CUX1: variants seen among roughly 807,000 people sequenced by gnomAD.
CUX1 encodes protein CASP.
Under a neutral mutation model 158.8 loss-of-function variants are expected in CUX1, and 31 were observed. That is an observed-to-expected ratio of 0.20 (90% CI 0.15 to 0.26). The LOEUF (loss-of-function observed/expected upper bound fraction) is 0.26, where lower values mean the gene tolerates loss of function less well. Among genes scored for constraint, CUX1 ranks in the 10% least tolerant of loss-of-function variants. The pLI is 1.00. For synonymous variants in CUX1, 879 were observed against 862.1 expected, an observed-to-expected ratio of 1.02 and a Z score of -0.34; for missense variants, 1,589 against 2,014.6, an observed-to-expected ratio of 0.79 and a Z score of 4.04.
chr7:102,083,714 CTATT>C (rs1243624111), intron 4 of CUX1, among the ~76,000 whole-genome samples: 1 of 146,926 alleles, frequency 6.8e-6, no homozygotes, highest in African/African-American at 2.4e-5. Flanking sequence ...ATTGACAACA[CTATT>C]TATTCTTCCA....
intron 2 of CUX1, among the ~76,000 whole-genome samples, chr7:101,973,292 A>G (rs946526538): frequency 6.6e-6 from 1 of 151,956 alleles, no homozygotes; most frequent in African/African-American, 2.4e-5. Context: ...CCCACATCCC[A>G]TGGCTCTGAC....
intron 2 of CUX1, among the ~76,000 whole-genome samples, chr7:102,005,802 G>A (rs1457179141): frequency 5.3e-5 from 8 of 152,110 alleles, no homozygotes; most frequent in Non-Finnish European, 1.0e-4. Context: ...CATCCTTCTG[G>A]GAACCTGCTT....
chr7:101,904,478 T>C (rs1382179952), intron 1 of CUX1, among the ~76,000 whole-genome samples: 2 of 152,176 alleles, frequency 1.3e-5, no homozygotes, highest in Admixed American at 6.5e-5. Flanking sequence ...TAAGTTTCAC[T>C]TGAATTTCCG....
intron 8 of CUX1, among the ~76,000 whole-genome samples, chr7:102,132,999 C>T (rs1402506116): frequency 2.0e-5 from 3 of 152,130 alleles, no homozygotes; most frequent in Non-Finnish European, 4.4e-5. Flanking sequence ...CTTGGTCTCA[C>T]TTCAAGATCT....
chr7:101,950,804 G>C (rs1051347075), intron 2 of CUX1, among the ~76,000 whole-genome samples: 6 of 152,068 alleles, frequency 3.9e-5, no homozygotes, highest in African/African-American at 1.4e-4. Context: ...TTCCTGCCTT[G>C]CCTCCCAAAG....
chr7:101,880,170 C>T (rs774017496), intron 1 of CUX1, among the ~76,000 whole-genome samples: 21 of 151,938 alleles, frequency 1.4e-4, no homozygotes, highest in East Asian at 5.8e-4. Flanking sequence ...TAATGTGCAC[C>T]GTTGAAAGGA....
intron 17 of CUX1, chr7:102,277,836 G>C: frequency 1.8e-6 from 1 of 561,800 alleles, no homozygotes; most frequent in Non-Finnish European, 3.0e-6. Flanking sequence ...TACAGAGTCA[G>C]GCAGGTCAAG....
chr7:101,917,304 G>T (rs999994431), intron 2 of CUX1, among the ~76,000 whole-genome samples: 9 of 152,218 alleles, frequency 5.9e-5, no homozygotes, highest in African/African-American at 1.9e-4. Context: ...CTGCTGGCAT[G>T]AATCATTATG....
At chr7:102,026,257 T>G (rs1205521374) in intron 2 of CUX1, among the ~76,000 whole-genome samples, 1 of 152,188 alleles carries the variant, frequency 6.6e-6, no homozygotes, top group Non-Finnish European at 1.5e-5. Flanking sequence ...TCTGCATTGT[T>G]GGAAGCAGTA....
chr7:102,061,037 G>GCC (rs1004134756), intron 3 of CUX1, among the ~76,000 whole-genome samples: 5 of 145,856 alleles, frequency 3.4e-5, no homozygotes, highest in African/African-American at 7.8e-5. Flanking sequence ...TGATTCTCCT[G>GCC]CCCCAGCCTC....
intron 1 of CUX1, among the ~76,000 whole-genome samples, chr7:101,818,649 C>G (rs1205235760): frequency 6.6e-6 from 1 of 152,178 alleles, no homozygotes; most frequent in Admixed American, 6.5e-5. Context: ...CCTCTTTACT[C>G]CTTTGCTTTT....
Position 102,275,360 on chromosome 7 carries a change from G to A in CUX1, c.1563+1G>A, listed in dbSNP as rs1009364008. The stretch of plus-strand genomic sequence containing the variant: ...TGCCCGGAACCAGGAGCTTGAGGCC[G>A]TGAGTCACATCCTTCTCTCCCTGAT... On this transcript the variant is annotated splice_donor_variant, in intron 17 of 22. Transcript: ENST00000292538. LOFTEE classifies it high-confidence loss of function. The A allele has an allele frequency of 3.7e-6, 6 of 1,609,420 alleles. No individual in the cohort carries two copies. Among genetic ancestry groups the A allele is most frequent in the South Asian group, 1.1e-5 (1 of 90,606 alleles).
chr7:101,953,850 C>T (rs1246245929), intron 2 of CUX1, among the ~76,000 whole-genome samples: 1 of 151,794 alleles, frequency 6.6e-6, no homozygotes, highest in Non-Finnish European at 1.5e-5. Context: ...GTTCACTTCT[C>T]ACGTTGTGAT....
intron 2 of CUX1, among the ~76,000 whole-genome samples, chr7:102,019,191 C>A (rs994647352): frequency 6.6e-6 from 1 of 152,090 alleles, no homozygotes; most frequent in Non-Finnish European, 1.5e-5. Flanking sequence ...CCCGCGCCCC[C>A]CTCCCACCCC....
chr7:102,228,061 G>A (rs556347591), intron 21 of CUX1, among the ~76,000 whole-genome samples: 3 of 147,496 alleles, frequency 2.0e-5, no homozygotes, highest in South Asian at 2.1e-4. Context: ...AGTGACTGTC[G>A]TGCCCCAGCC....
Position 102,251,773 on chromosome 7 carries a change from A to T in CUX1, c.*2731A>T. On this transcript the variant is annotated 3_prime_UTR_variant, in exon 24 of 24. Coordinates refer to ENST00000292535, the MANE Select transcript of CUX1 (RefSeq NM_181552.4). ...GTGATGAATCTTTAAATATCGTCTA[A>T]TTTTCATAAGAATGAAAAGAAGTTA... 2 of 985,264 alleles carry T rather than the reference A, an allele frequency of 2.0e-6. No individual in the cohort carries two copies. The highest frequency in any genetic ancestry group is 2.4e-6 in the Non-Finnish European group (2 of 829,814). The allele number at this position is 985,264 out of a possible 1,614,324, so 61.0% of individuals were successfully genotyped here.
At chr7:101,999,897 CGTGT>C (rs1421734336) in intron 2 of CUX1, among the ~76,000 whole-genome samples, 1 of 151,824 alleles carries the variant, frequency 6.6e-6, no homozygotes, top group Admixed American at 6.6e-5. Context: ...TGTGTGTGTG[CGTGT>C]GTGTGTGCAT....
At chr7:102,053,593 C>T (rs1823782335) in intron 3 of CUX1, among the ~76,000 whole-genome samples, 1 of 152,134 alleles carries the variant, frequency 6.6e-6, no homozygotes, top group Non-Finnish European at 1.5e-5. Flanking sequence ...AGCCCCACTA[C>T]CCCTCCCAGC....
intron 1 of CUX1, among the ~76,000 whole-genome samples, chr7:101,846,210 C>T (rs1795670711): frequency 6.6e-6 from 1 of 152,160 alleles, no homozygotes; most frequent in Non-Finnish European, 1.5e-5. Flanking sequence ...CCTTATCTTC[C>T]AAGTTGAGCT....
Sources: allele counts gnomAD v4.1 joint callset (sites outside exome capture counted in the v4.1 genomes callset), GRCh38; gene constraint gnomAD v4.1.1; transcripts MANE v1.5; gene names NCBI Gene and HGNC (gene_info 2026-07-23, HGNC 2026-07-21).